Variants in DLGAP1 observed in about 807,000 individuals in gnomAD.
DLGAP1 encodes the protein disks large-associated protein 1.
A neutral mutation model predicts 90.8 loss-of-function variants in DLGAP1; 11 were observed. The ratio of observed to expected loss-of-function variants is 0.12; its 90% CI spans 0.08 to 0.20. The LOEUF is 0.20. DLGAP1 is among the 10% of genes least tolerant of loss of function. The probability of loss-of-function intolerance (pLI) is 1.00; values close to 1 mark genes in which losing one functional copy is unlikely to be tolerated. For synonymous variants in DLGAP1, 558 were observed against 540.7 expected (o/e 1.03, Z -0.44); for missense variants, 1,050 against 1,333.8 (o/e 0.79, Z 3.31).
At chr18:4,166,975 G>T (rs530322650) in intron 1 of DLGAP1, among the ~76,000 whole-genome samples, 47 of 152,260 alleles carry the variant, frequency 3.1e-4, no homozygotes, top group Non-Finnish European at 5.7e-4. Context: ...TAATGTGAAT[G>T]TACTTCATAC....
chr18:3,570,140 A>G (rs1007819746), intron 8 of DLGAP1, among the ~76,000 whole-genome samples: 5 of 151,978 alleles, frequency 3.3e-5, no homozygotes, highest in African/African-American at 9.7e-5. Flanking sequence ...AGTACCTTCT[A>G]TGATGTTCAC....
chr18:3,520,048 A>T (rs184337258), intron 10 of DLGAP1, among the ~76,000 whole-genome samples: 5 of 152,034 alleles, frequency 3.3e-5, no homozygotes, highest in East Asian at 3.9e-4. Context: ...AGTAAAATTT[A>T]AAAAAAAATT....
At chr18:4,091,716 T>C (rs1598387587) in intron 2 of DLGAP1, among the ~76,000 whole-genome samples, 2 of 152,208 alleles carry the variant, frequency 1.3e-5, no homozygotes, top group African/African-American at 4.8e-5. Flanking sequence ...TTCCAATTGA[T>C]TTTTTGTTAC....
In DLGAP1 at chr18:4,075,421, G is replaced by A. The variant is rs951528884; in HGVS notation, c.-158-70220C>T. 3.3e-5 allele frequency among the ~76,000 whole-genome samples: 5 copies of A among 152,228 alleles called. No homozygotes were observed. The East Asian group carries it at 7.7e-4, about 23-fold the overall frequency. On this transcript the variant is annotated intron_variant, in intron 2 of 12. Coordinates refer to ENST00000315677, the MANE Select transcript of DLGAP1 (RefSeq NM_004746.4). Reference sequence around the variant, plus strand: ...ATTTTAAAAAATCATGCAACCAACTGGAAGAGAAATAAATGGTATATCCAA... The same window carrying A: ...ATTTTAAAAAATCATGCAACCAACTAGAAGAGAAATAAATGGTATATCCAA...
At chr18:3,718,869 T>C (rs1347276355) in intron 7 of DLGAP1, among the ~76,000 whole-genome samples, 1 of 141,898 alleles carries the variant, frequency 7.0e-6, no homozygotes, top group Admixed American at 7.6e-5. Flanking sequence ...GAGGTTGCAG[T>C]GAGCCGAGAT....
chr18:3,501,032 A>G (rs2049902365), intron 12 of DLGAP1, among the ~76,000 whole-genome samples: 1 of 152,020 alleles, frequency 6.6e-6, no homozygotes, highest in African/African-American at 2.4e-5. Context: ...CTCCCACCTC[A>G]GCCTCCCAAG....
chr18:4,204,835 C>T (rs1446821989), intron 1 of DLGAP1, among the ~76,000 whole-genome samples: 5 of 151,536 alleles, frequency 3.3e-5, no homozygotes, highest in East Asian at 3.9e-4. Flanking sequence ...CTTATATGCA[C>T]GGAAGTATTC....
chr18:4,050,876 AG>A (rs2075124287), intron 2 of DLGAP1, among the ~76,000 whole-genome samples: 1 of 152,244 alleles, frequency 6.6e-6, no homozygotes, highest in Non-Finnish European at 1.5e-5. Flanking sequence ...CATTTTCCAA[AG>A]AACACTTAGA....
At chr18:4,432,873 C>G (rs370324384) in intron 1 of DLGAP1, among the ~76,000 whole-genome samples, 3 of 152,082 alleles carry the variant, frequency 2.0e-5, no homozygotes, top group Non-Finnish European at 4.4e-5. Flanking sequence ...TTCAGTTCTC[C>G]CAAACAGGCC....
At chr18:4,406,031 T>A (rs939384287) in intron 1 of DLGAP1, among the ~76,000 whole-genome samples, 1 of 152,196 alleles carries the variant, frequency 6.6e-6, no homozygotes, top group Non-Finnish European at 1.5e-5. Context: ...AGGATTCCCA[T>A]TAGTTACTTG....
At position 3,705,652 on chromosome 18, in the gene DLGAP1, A is replaced by AATT. The variant is rs548386180; in HGVS notation, c.1591+23480_1591+23482dup. 2.4e-3 allele frequency among the ~76,000 whole-genome samples: 366 copies of AATT among 149,756 alleles called. 1 individual carries two copies. The highest frequency in any genetic ancestry group is 4.6e-3 in the Non-Finnish European group (308 of 67,550). On this transcript the variant is annotated intron_variant, in intron 7 of 12. Coordinates refer to ENST00000315677, the MANE Select transcript of DLGAP1 (RefSeq NM_004746.4). ...ATCCCAGTATAATAATAATAATAGTAATTATTATTATTATTATTATTTTTG... is the reference window on the plus strand; with the variant it reads ...ATCCCAGTATAATAATAATAATAGTAATTATTATTATTATTATTATTATTTTTG...
chr18:4,239,032 T>C (rs2078474749), intron 1 of DLGAP1, among the ~76,000 whole-genome samples: 2 of 152,318 alleles, frequency 1.3e-5, no homozygotes, highest in Middle Eastern at 3.4e-3. Flanking sequence ...GAGTAGGCAA[T>C]AGTCAAAGTG....
chr18:4,314,414 T>A (rs1485828218), intron 1 of DLGAP1, among the ~76,000 whole-genome samples: 2 of 152,116 alleles, frequency 1.3e-5, no homozygotes, highest in African/African-American at 4.8e-5. Flanking sequence ...TTTGTATTTA[T>A]TCCTTGACTC....
intron 5 of DLGAP1, among the ~76,000 whole-genome samples, chr18:3,756,023 C>T (rs760906494): frequency 2.1e-4 from 32 of 151,728 alleles, no homozygotes; most frequent in Non-Finnish European, 4.1e-4. Context: ...ATTTTGGAAC[C>T]GCACAATAAT....
At chr18:3,558,259 T>G (rs1431700942) in intron 9 of DLGAP1, among the ~76,000 whole-genome samples, 1 of 152,174 alleles carries the variant, frequency 6.6e-6, no homozygotes, top group Non-Finnish European at 1.5e-5. Flanking sequence ...TTTGTTTGTT[T>G]TGAGACTGAG....
At chr18:4,415,060 T>C (rs3850794) in intron 1 of DLGAP1, among the ~76,000 whole-genome samples, 7 of 41,350 alleles carry the variant, frequency 1.7e-4, no homozygotes, top group African/African-American at 4.8e-4. Flanking sequence ...CACATACACA[T>C]ATATATATAT....
rs148701142 is a variant in DLGAP1, at chr18:4,085,578, G to A, written c.-159+65602C>T. ...CTGACCCAGGGAAAGGAAATACTTT[G>A]AGAGCAAAACCTTCTAACTGCCAAT... On this transcript the variant is annotated intron_variant, in intron 2 of 12. Transcript: ENST00000315677. Among the ~76,000 whole-genome samples the A allele has an allele frequency of 5.4e-3, 818 of 152,306 alleles. 8 individuals are homozygous for A. The highest frequency in any genetic ancestry group is 0.014 in the Middle Eastern group (4 of 294).
chr18:3,507,745 T>TG (rs1341757043), intron 11 of DLGAP1, among the ~76,000 whole-genome samples: 71 of 143,484 alleles, frequency 4.9e-4, no homozygotes, highest in African/African-American at 1.6e-3. Flanking sequence ...GGTTTTTTTT[T>TG]TTTTTTTTTT....
chr18:3,610,231 T>C (rs566041874), intron 7 of DLGAP1, among the ~76,000 whole-genome samples: 2 of 152,326 alleles, frequency 1.3e-5, no homozygotes, highest in East Asian at 3.9e-4. Context: ...CAGGCAGGAA[T>C]AGCCCTGCCA....
Sources: allele counts gnomAD v4.1 joint callset (sites outside exome capture counted in the v4.1 genomes callset), GRCh38; gene constraint gnomAD v4.1.1; transcripts MANE v1.5; gene names NCBI Gene and HGNC (gene_info 2026-07-23, HGNC 2026-07-21).